LYRM4: variants seen among roughly 807,000 people sequenced by gnomAD.
LYRM4 encodes LYR motif containing 4, also known as LYR motif-containing protein 4.
Under a neutral mutation model 11.7 loss-of-function variants are expected in LYRM4, and 9 were observed. The ratio of observed to expected loss-of-function variants is 0.77; its 90% CI spans 0.46 to 1.34. LYRM4 has a LOEUF of 1.34. LYRM4 is among the 40% of genes most tolerant of loss of function. LYRM4 has a pLI of 0.00. For synonymous variants in LYRM4, 42 were observed against 40.4 expected (o/e 1.04, Z -0.15); for missense variants, 133 against 112.5 (o/e 1.18, Z -0.82).
At chr6:5,052,081 G>A in the LYRM4 span, among the ~76,000 whole-genome samples, 1 of 152,146 alleles carries the variant, frequency 6.6e-6, no homozygotes, top group African/African-American at 2.4e-5. Context: ...AAGAGGTTTG[G>A]AGGAGTCAAA....
At chr6:5,138,574 TG>T (rs1757237701) in intron 2 of LYRM4, 1 of 359,936 alleles carries the variant, frequency 2.8e-6, no homozygotes. Flanking sequence ...GAATAATGAC[TG>T]TTTTTTTTAT....
intron 1 of LYRM4, among the ~76,000 whole-genome samples, chr6:5,246,400 T>C (rs2753229): frequency 0.29 from 43,430 of 151,864 alleles, 7,784 homozygotes; most frequent in African/African-American, 0.51. Flanking sequence ...GAGTCAAAGA[T>C]TGGGTTCAGT....
the LYRM4 span, among the ~76,000 whole-genome samples, chr6:5,082,914 C>G: frequency 2.9e-5 from 2 of 69,756 alleles, no homozygotes; most frequent in Non-Finnish European, 4.5e-5. Context: ...CCTTGCAGTC[C>G]GAGCTGTTCC....
rs1187281542 is a variant in LYRM4, at chr6:5,245,143, T to A, written c.86+15505A>T. Among the ~76,000 whole-genome samples the A allele has an allele frequency of 6.8e-4, 58 of 85,710 alleles. 4 individuals are homozygous for A. The highest frequency in any genetic ancestry group is 0.012 in the Middle Eastern group (2 of 168). The allele number at this position is 85,710 out of a possible 152,430, so 56.2% of individuals were successfully genotyped here. A position where few individuals can be genotyped will look rare whatever the true frequency, so the allele number is the denominator to read the frequency against. On this transcript the variant is annotated intron_variant, in intron 1 of 2. Coordinates refer to ENST00000330636, the MANE Select transcript of LYRM4 (RefSeq NM_020408.6). The stretch of plus-strand genomic sequence containing the variant: ...ATATATATATATATATATATATATA[T>A]ATATATATATATATATATATAAAAT...
At chr6:5,237,093 A>C (rs757536570) in intron 1 of LYRM4, among the ~76,000 whole-genome samples, 9 of 152,210 alleles carry the variant, frequency 5.9e-5, no homozygotes, top group Non-Finnish European at 1.2e-4. Flanking sequence ...TAGAGCTTGT[A>C]TGGGAGTGTA....
At chr6:5,091,595 A>C in the LYRM4 span, among the ~76,000 whole-genome samples, 1 of 152,244 alleles carries the variant, frequency 6.6e-6, no homozygotes, top group Non-Finnish European at 1.5e-5. Flanking sequence ...TGTGAACAGG[A>C]AACTTTTGGA....
rs1427117903 is a variant in LYRM4 at position 5,256,490 on chromosome 6, GGAAAAAAAAAAAAAAAAAAA to G, written c.86+4138_86+4157del. On this transcript the variant is annotated intron_variant, in intron 1 of 2. Transcript: ENST00000330636. ...GGGCAACAAGGGCAAGATTTCAACTGGAAAAAAAAAAAAAAAAAAAAAAAAAAAAAAAAAAAAAAAGAATG... is the reference window on the plus strand; with the variant it reads ...GGGCAACAAGGGCAAGATTTCAACTGAAAAAAAAAAAAAAAAAAAAGAATG... Among the ~76,000 whole-genome samples, 39 of 37,520 alleles carry G rather than the reference GGAAAAAAAAAAAAAAAAAAA, an allele frequency of 1.0e-3. 1 individual carries two copies. Among genetic ancestry groups the G allele is most frequent in the South Asian group, 4.2e-3 (3 of 706 alleles). 24.6% of individuals were successfully genotyped at this position (37,520 alleles called of 152,430 possible). A position where few individuals can be genotyped will look rare whatever the true frequency, so the allele number is the denominator to read the frequency against.
At position 5,159,533 on chromosome 6, in the gene LYRM4, T is replaced by C. The variant is rs377331720; in HGVS notation, c.208-50042A>G. Among the ~76,000 whole-genome samples, 35 of 152,346 alleles carry C rather than the reference T, an allele frequency of 2.3e-4. No homozygotes were observed. In the South Asian group the frequency reaches 7.0e-3, roughly 31 times the overall value. On this transcript the variant is annotated intron_variant, in intron 2 of 2. Coordinates refer to ENST00000330636, the MANE Select transcript of LYRM4 (RefSeq NM_020408.6). ...TGGTGACCCTGCTGAGAGTAGCTTT[T>C]GAACAAAAGTATTTTTAGTGGTCCT...
intron 2 of LYRM4, among the ~76,000 whole-genome samples, chr6:5,122,340 T>G (rs1317099722): frequency 6.6e-6 from 1 of 152,136 alleles, no homozygotes; most frequent in Non-Finnish European, 1.5e-5. Context: ...GTCACCACTC[T>G]GAGAGTTTCA....
At chr6:5,183,622 C>T (rs1301635016) in intron 2 of LYRM4, among the ~76,000 whole-genome samples, 2 of 152,232 alleles carry the variant, frequency 1.3e-5, no homozygotes, top group East Asian at 3.8e-4. Flanking sequence ...AACCTCAGTT[C>T]TCTCTCTATT....
rs187612029 is a variant in LYRM4, at chr6:5,251,157, C to T, written c.86+9491G>A. 3.6e-3 allele frequency among the ~76,000 whole-genome samples: 548 copies of T among 152,210 alleles called. 2 individuals carry two copies. Among genetic ancestry groups the T allele is most frequent in the Non-Finnish European group, 4.9e-3 (334 of 68,022 alleles). ...GTTTGATTCCACCTATTACTAGGTT[C>T]TAGTGTGGTAATATATACATACACA... is the stretch of plus-strand genomic sequence containing the variant. On this transcript the variant is annotated intron_variant, in intron 1 of 2. Coordinates refer to ENST00000330636, the MANE Select transcript of LYRM4 (RefSeq NM_020408.6).
At chr6:5,091,940 A>G in the LYRM4 span, among the ~76,000 whole-genome samples, 5 of 152,218 alleles carry the variant, frequency 3.3e-5, no homozygotes, top group Non-Finnish European at 7.3e-5. Context: ...CATCGTTGTC[A>G]CTGGTCAAGT....
At chr6:5,121,306 C>A (rs1442077658) in intron 2 of LYRM4, among the ~76,000 whole-genome samples, 2 of 152,168 alleles carry the variant, frequency 1.3e-5, no homozygotes, top group Non-Finnish European at 2.9e-5. Context: ...CAGGGAATAT[C>A]TTCCTGTCTT....
chr6:5,086,405 C>A, the LYRM4 span: 1 of 1,536,296 alleles, frequency 6.5e-7, no homozygotes, highest in South Asian at 1.2e-5. Flanking sequence ...CTGTGCCTGC[C>A]CCCGGGCCTG....
the LYRM4 span, among the ~76,000 whole-genome samples, chr6:5,093,815 T>C: frequency 2.3e-4 from 35 of 152,206 alleles, no homozygotes; most frequent in Admixed American, 3.3e-4. Flanking sequence ...TTGTGAGTAA[T>C]AGTCCATCGA....
chr6:5,090,628 TTCCATTCTGACCG>T, the LYRM4 span, among the ~76,000 whole-genome samples: 1 of 152,236 alleles, frequency 6.6e-6, no homozygotes, highest in African/African-American at 2.4e-5. The surrounding 1 kb of genome is among the most constrained non-coding windows in gnomAD (Gnocchi z 4.8). Flanking sequence ...GCGGTGGGCT[TTCCATTCTGACCG>T]TCCCCTCATG....
At chr6:5,168,311 T>C (rs901874327) in intron 2 of LYRM4, among the ~76,000 whole-genome samples, 2 of 152,138 alleles carry the variant, frequency 1.3e-5, no homozygotes, top group Non-Finnish European at 2.9e-5. Context: ...AGGTTTCAAA[T>C]ATTACTTGTT....
chr6:5,061,058 A>G, the LYRM4 span, among the ~76,000 whole-genome samples: 1 of 152,358 alleles, frequency 6.6e-6, no homozygotes, highest in East Asian at 1.9e-4. Context: ...AACAGTTTAT[A>G]GTCCTCTCAG....
the LYRM4 span, chr6:5,032,860 C>G: frequency 6.6e-6 from 1 of 152,614 alleles, no homozygotes; most frequent in Non-Finnish European, 1.5e-5. Context: ...GCCACTCCCT[C>G]CTGGAATTCC....
Sources: gnomAD v4.1 joint callset for allele counts (sites outside exome capture counted in the v4.1 genomes callset) on GRCh38, gnomAD v4.1.1 for gene constraint, Gnocchi (gnomAD v3.1) non-coding constraint, MANE v1.5 for transcripts, NCBI Gene and HGNC (gene_info 2026-07-23, HGNC 2026-07-21) for gene names.